ZNF736: variants seen among roughly 807,000 people sequenced by gnomAD.
The protein encoded by ZNF736 is zinc finger protein 736.
In ZNF736, 6 loss-of-function variants were observed where a neutral mutation model predicts 11.7. That is an observed-to-expected ratio of 0.51 (90% CI 0.28 to 1.01). The LOEUF is 1.01. Ranked by LOEUF, ZNF736 falls within the 50% of genes least tolerant of loss-of-function variation. The pLI is 0.09. For synonymous variants in ZNF736, 139 were observed against 164.7 expected, an observed-to-expected ratio of 0.84 and a Z score of 1.19; for missense variants, 444 against 496.0, an observed-to-expected ratio of 0.90 and a Z score of 1.00.
At chr7:64,325,745 C>T (rs600417) in intron 1 of ZNF736, among the ~76,000 whole-genome samples, 139,846 of 152,234 alleles carry the variant, frequency 0.92, 64,332 homozygotes, top group Non-Finnish European at 0.94. Context: ...ATCATTTAAA[C>T]AGGTAAATAG....
chr7:64,329,977 T>G (rs1416925424), intron 1 of ZNF736, among the ~76,000 whole-genome samples: 1 of 152,074 alleles, frequency 6.6e-6, no homozygotes, highest in Non-Finnish European at 1.5e-5. Flanking sequence ...ACAACATCCT[T>G]CCTACTCTTT....
intron 3 of ZNF736, among the ~76,000 whole-genome samples, chr7:64,340,815 A>G: frequency 6.6e-6 from 1 of 152,128 alleles, no homozygotes; most frequent in East Asian, 1.9e-4. Flanking sequence ...CTTATTTTTA[A>G]AGTAAATTTC....
intron 3 of ZNF736, among the ~76,000 whole-genome samples, chr7:64,339,726 CT>C (rs1217952517): frequency 7.2e-6 from 1 of 139,654 alleles, no homozygotes; most frequent in Non-Finnish European, 1.6e-5. Context: ...TATAATGCCC[CT>C]AGCTTTGTTT....
intron 1 of ZNF736, among the ~76,000 whole-genome samples, chr7:64,322,165 A>AT (rs1191175127): frequency 2.6e-5 from 4 of 151,950 alleles, no homozygotes; most frequent in South Asian, 2.1e-4. Flanking sequence ...ACCATTTTAC[A>AT]TTTGCACCAG....
Position 64,352,252 on chromosome 7 carries a change from T to A in ZNF736, c.*3105T>A, listed in dbSNP as rs549894760. On this transcript the variant is annotated 3_prime_UTR_variant, in exon 4 of 4. Transcript: ENST00000423484. ...AGTACTGGAAGTTATCACCACTGAA[T>A]GCTGCAAAACAGCAACAATGGCAGC... is the stretch of plus-strand genomic sequence containing the variant. 10 of 152,410 alleles carry A rather than the reference T, an allele frequency of 6.6e-5. 1 individual carries two copies. Among genetic ancestry groups the A allele is most frequent in the African/African-American group, 2.4e-4 (10 of 41,568 alleles). The allele number at this position is 152,410 out of a possible 1,614,324, so 9.4% of individuals were successfully genotyped here.
chr7:64,343,021 T>C (rs1273251953), intron 3 of ZNF736, among the ~76,000 whole-genome samples: 1 of 152,192 alleles, frequency 6.6e-6, no homozygotes, highest in Non-Finnish European at 1.5e-5. Flanking sequence ...TGTCTAGTAT[T>C]ATTTAAGTGC....
At position 64,314,108 on chromosome 7, in the gene ZNF736, G is replaced by A; in HGVS notation, c.-43G>A. On this transcript the variant is annotated 5_prime_UTR_variant, in exon 1 of 4. Coordinates refer to ENST00000423484, the MANE Select transcript of ZNF736 (RefSeq NM_001170905.3). ...GTTATCCTGTGACCTGCAGGTACTGGGAGATCCATAGGGAGGACGGCGGAA... is the reference window on the plus strand; with the variant it reads ...GTTATCCTGTGACCTGCAGGTACTGAGAGATCCATAGGGAGGACGGCGGAA... 1.3e-6 allele frequency: 2 copies of A among 1,551,702 alleles called. No homozygotes were observed. Among genetic ancestry groups the A allele is most frequent in the South Asian group, 1.2e-5 (1 of 84,062 alleles).
intron 3 of ZNF736, among the ~76,000 whole-genome samples, chr7:64,346,122 A>G (rs948571600): frequency 5.9e-5 from 9 of 152,108 alleles, no homozygotes; most frequent in African/African-American, 2.2e-4. Flanking sequence ...TGTTTGCTTT[A>G]TGTGTTTGGG....
Position 64,348,920 on chromosome 7 carries a change from T to A in ZNF736, c.1057T>A (p.Ser353Thr), listed in dbSNP as rs1422410827. 3 of 1,604,830 alleles carry A rather than the reference T, an allele frequency of 1.9e-6. No individual in the cohort carries two copies. The highest frequency in any genetic ancestry group is 1.1e-5 in the South Asian group (1 of 89,930). The change falls in exon 4 of 4, where the codon TCC (serine) becomes ACC (threonine). Residue 353 changes from serine (S) to threonine (T), a missense_variant. Physicochemically the swap from Ser to Thr is moderately conservative, Grantham distance 58 (BLOSUM62 1). Transcript: ENST00000423484. ...CEECGKAFTR[S>T]STLFNHKRIH... ...AGAATGTGGCAAAGCCTTTACCCGC[T>A]CCTCAACCCTTTTTAACCACAAGAG...
chr7:64,318,907 A>G (rs1246661814), intron 1 of ZNF736, among the ~76,000 whole-genome samples: 4 of 152,182 alleles, frequency 2.6e-5, no homozygotes, highest in Non-Finnish European at 5.9e-5. Flanking sequence ...CTTCATGAGG[A>G]AAAACAGAGG....
intron 3 of ZNF736, among the ~76,000 whole-genome samples, chr7:64,346,030 G>A (rs1410487098): frequency 6.6e-6 from 1 of 152,046 alleles, no homozygotes; most frequent in African/African-American, 2.4e-5. Context: ...ATTCTGTCTT[G>A]CTTTATGTAT....
At chr7:64,327,974 T>A (rs1488861167) in intron 1 of ZNF736, among the ~76,000 whole-genome samples, 1 of 152,196 alleles carries the variant, frequency 6.6e-6, no homozygotes, top group African/African-American at 2.4e-5. Context: ...AGTTATGGCC[T>A]TAAGGAGGTA....
rs1386074682 is a variant in ZNF736 at position 64,349,390 on chromosome 7, G to A, written c.*243G>A. 1 of 343,844 alleles carries A rather than the reference G, an allele frequency of 2.9e-6. No individual in the cohort carries two copies. The highest frequency in any genetic ancestry group is 2.1e-5 in the African/African-American group (1 of 47,296). 21.3% of individuals were successfully genotyped at this position (343,844 alleles called of 1,614,324 possible). The stretch of plus-strand genomic sequence containing the variant: ...TCAAGTCTGTTTTGTCAGAAACTAG[G>A]ATTGCAACCCCTGCTTCTTTTCCTG... On this transcript the variant is annotated 3_prime_UTR_variant, in exon 4 of 4. Transcript: ENST00000423484.
rs911432480 is a variant in ZNF736 at position 64,353,254 on chromosome 7, C to G, written c.*4107C>G. 6.6e-6 allele frequency: 1 copy of G among 152,186 alleles called. No homozygotes were observed. Among genetic ancestry groups the G allele is most frequent in the Non-Finnish European group, 1.5e-5 (1 of 68,088 alleles). 9.4% of individuals were successfully genotyped at this position (152,186 alleles called of 1,614,324 possible). A position where few individuals can be genotyped will look rare whatever the true frequency, so the allele number is the denominator to read the frequency against. ...ACTGGGTGGGGAGGTTCCCTTGGCT[C>G]CATGTTGTTCCCAGGTGGCCCATTG... is the stretch of plus-strand genomic sequence containing the variant. On this transcript the variant is annotated 3_prime_UTR_variant, in exon 4 of 4. Coordinates refer to ENST00000423484, the MANE Select transcript of ZNF736 (RefSeq NM_001170905.3).
chr7:64,337,993 G>A (rs1789283982), intron 3 of ZNF736, among the ~76,000 whole-genome samples: 1 of 152,080 alleles, frequency 6.6e-6, no homozygotes, highest in South Asian at 2.1e-4. Flanking sequence ...AACCTCAGGT[G>A]ATCTGCCTGC....
rs6964963 is a variant in ZNF736 at position 64,353,720 on chromosome 7, C to G, written c.*4573C>G. On this transcript the variant is annotated 3_prime_UTR_variant, in exon 4 of 4. Coordinates refer to ENST00000423484, the MANE Select transcript of ZNF736 (RefSeq NM_001170905.3). ...GCCACTTATTAGTTTACAGCAGTAT[C>G]GTAAGTGACAGGATGATAGGAGTGT... The G allele has an allele frequency of 6.6e-6, 1 of 151,802 alleles. No homozygotes were observed. Among genetic ancestry groups the G allele is most frequent in the Non-Finnish European group, 1.5e-5 (1 of 67,988 alleles). The allele number at this position is 151,802 out of a possible 1,614,324, so 9.4% of individuals were successfully genotyped here.
chr7:64,330,218 G>A (rs1789143048), intron 1 of ZNF736, among the ~76,000 whole-genome samples: 1 of 151,998 alleles, frequency 6.6e-6, no homozygotes, highest in African/African-American at 2.4e-5. Context: ...GTGCAGTGGA[G>A]TGATCTTGGC....
Position 64,348,387 on chromosome 7 carries a change from G to A in ZNF736, c.524G>A (p.Cys175Tyr). The change falls in exon 4 of 4, where the codon TGT (cysteine) becomes TAT (tyrosine). Residue 175 changes from cysteine to tyrosine, a missense_variant. Cys to Tyr is a radical substitution (Grantham distance 194). Transcript: ENST00000423484. ...TTTAGCAGAGAGAAATGCCACAAATGTGAAGAATGTGGCAAAGACTGTAGG... is the reference window on the plus strand; with the variant it reads ...TTTAGCAGAGAGAAATGCCACAAATATGAAGAATGTGGCAAAGACTGTAGG... ...DIFSREKCHK[C>Y]EECGKDCRLF... is the part of the protein sequence containing the mutation. 1 of 1,551,054 alleles carries A rather than the reference G, an allele frequency of 6.4e-7. No individual in the cohort carries two copies. Among genetic ancestry groups the A allele is most frequent in the South Asian group, 1.2e-5 (1 of 84,056 alleles).
chr7:64,319,317 G>A (rs1788962582), intron 1 of ZNF736, among the ~76,000 whole-genome samples: 3 of 101,172 alleles, frequency 3.0e-5, no homozygotes, highest in Non-Finnish European at 3.9e-5. Flanking sequence ...GTATATGTAT[G>A]TGTGTGTGTG....
Sources: gnomAD v4.1 joint callset for allele counts (sites outside exome capture counted in the v4.1 genomes callset) on GRCh38, gnomAD v4.1.1 for gene constraint, MANE v1.5 for transcripts, NCBI Gene and HGNC (gene_info 2026-07-23, HGNC 2026-07-21) for gene names.